Variants in PBX1 observed in about 807,000 individuals in gnomAD.
PBX1 encodes PBX homeobox 1.
Under a neutral mutation model 53.4 loss-of-function variants are expected in PBX1, and 6 were observed. That is an observed-to-expected ratio of 0.11 (90% CI 0.06 to 0.22). The LOEUF (loss-of-function observed/expected upper bound fraction) is 0.22. Ranked by LOEUF, PBX1 falls within the 10% of genes least tolerant of loss-of-function variation. The pLI, the probability that PBX1 is intolerant of heterozygous loss-of-function variation, is 1.00. For synonymous variants in PBX1, 204 were observed against 212.3 expected, an observed-to-expected ratio of 0.96 and a Z score of 0.34; for missense variants, 251 against 551.4, an observed-to-expected ratio of 0.46 and a Z score of 5.46.
At chr1:164,874,060 T>A (rs1672445651) in intron 2 of PBX1, among the ~76,000 whole-genome samples, 1 of 151,630 alleles carries the variant, frequency 6.6e-6, no homozygotes, top group Non-Finnish European at 1.5e-5. Flanking sequence ...GCACACACCT[T>A]TTGTTCTGAT....
At chr1:164,600,397 G>A (rs1265907957) in intron 2 of PBX1, among the ~76,000 whole-genome samples, 3 of 151,872 alleles carry the variant, frequency 2.0e-5, no homozygotes, top group Admixed American at 6.6e-5. Context: ...GATTACAGGT[G>A]CCCGCCACCA....
intron 2 of PBX1, among the ~76,000 whole-genome samples, chr1:164,729,479 A>AAT (rs1345245149): frequency 7.2e-5 from 11 of 152,284 alleles, no homozygotes; most frequent in South Asian, 2.1e-4. Context: ...ATGTTGTGTA[A>AAT]ATATGTATAT....
intron 2 of PBX1, among the ~76,000 whole-genome samples, chr1:164,571,873 GTATATATATATATATATA>G (rs59338120): frequency 0.015 from 461 of 29,910 alleles, 9 homozygotes; most frequent in East Asian, 0.043. Flanking sequence ...TCTGTACATT[GTATATATATATATATATA>G]TATATATATA....
At chr1:164,588,473 CTTTTTTTTTTT>C (rs371768861) in intron 2 of PBX1, among the ~76,000 whole-genome samples, 1,230 of 73,086 alleles carry the variant, frequency 0.017, 23 homozygotes, top group South Asian at 0.05. Context: ...CCGGACTAAG[CTTTTTTTTTTT>C]TTTTTTTTTT....
At chr1:164,858,094 G>C (rs1672015327) in intron 2 of PBX1, among the ~76,000 whole-genome samples, 2 of 152,032 alleles carry the variant, frequency 1.3e-5, no homozygotes, top group Admixed American at 1.3e-4. Context: ...TGGCTGCTAA[G>C]ATCTTACTCT....
At position 164,863,352 on chromosome 1, in the gene PBX1, A is replaced by C. The variant is rs139167617; in HGVS notation, n.257+31869A>C. ...TGTTTATTTCTTAAAGTCCCTAGCTAGGGAAAGGTATTGTTCCTCTAATCA... is the reference window on the plus strand; with the variant it reads ...TGTTTATTTCTTAAAGTCCCTAGCTCGGGAAAGGTATTGTTCCTCTAATCA... On this transcript the variant is annotated intron_variant and non_coding_transcript_variant, in intron 2 of 2. Coordinates refer to the PBX1 transcript ENST00000558796. 2.3e-4 allele frequency among the ~76,000 whole-genome samples: 35 copies of C among 152,324 alleles called. No homozygotes were observed. The East Asian group carries it at 6.8e-3, about 29-fold the overall frequency.
chr1:164,647,177 T>A (rs1044653972), intron 2 of PBX1, among the ~76,000 whole-genome samples: 2 of 152,202 alleles, frequency 1.3e-5, no homozygotes, highest in Non-Finnish European at 2.9e-5. Flanking sequence ...TATTTATTTG[T>A]TTATTAAGAT....
chr1:164,777,825 G>C (rs1211565409), intron 2 of PBX1, among the ~76,000 whole-genome samples: 2 of 152,144 alleles, frequency 1.3e-5, no homozygotes, highest in Non-Finnish European at 2.9e-5. Context: ...CTCTAGAAGA[G>C]GAAAGAGAAC....
At chr1:164,778,765 A>G (rs1667791664) in intron 2 of PBX1, among the ~76,000 whole-genome samples, 1 of 152,238 alleles carries the variant, frequency 6.6e-6, no homozygotes, top group Admixed American at 6.5e-5. Flanking sequence ...AGGCAGCATG[A>G]AAGTCCACAT....
At chr1:164,626,203 A>G in intron 2 of PBX1, 2 of 600,108 alleles carry the variant, frequency 3.3e-6, no homozygotes, top group Non-Finnish European at 4.3e-6. Context: ...GCTGCTGTTG[A>G]GGGAACCACA....
At chr1:164,779,917 A>G (rs966674605) in intron 2 of PBX1, among the ~76,000 whole-genome samples, 1 of 152,214 alleles carries the variant, frequency 6.6e-6, no homozygotes, top group Non-Finnish European at 1.5e-5. Flanking sequence ...TCAGAGAAAT[A>G]CAGTAAGAAC....
chr1:164,559,876 A>G lies in PBX1; in HGVS notation c.54A>G (p.Gly18=). Residue 18 remains glycine, a synonymous_variant, in exon 1 of 9, where the codon GGA becomes GGG. Coordinates refer to ENST00000420696, the MANE Select transcript of PBX1 (RefSeq NM_002585.4). ...CCCATGCTGGGGTCGGGATGGCCGG[A>G]CACCCCGGCCTGTCCCAGCACTTGC... ...MHSHAGVGMA[G]HPGLSQHLQD... 1.3e-6 allele frequency: 2 copies of G among 1,550,544 alleles called. No homozygotes were observed. Among genetic ancestry groups the G allele is most frequent in the East Asian group, 2.5e-5 (1 of 40,816 alleles).
Position 164,791,748 on chromosome 1 carries a change from A to G in PBX1, c.266-746A>G, listed in dbSNP as rs1418788425. Reference sequence around the variant, plus strand: ...GGTAGTATGGGGATGAAAGTAAAAAATATATTTTGTTATGATTACATTTTT... The same window carrying G: ...GGTAGTATGGGGATGAAAGTAAAAAGTATATTTTGTTATGATTACATTTTT... On this transcript the variant is annotated intron_variant, in intron 2 of 8. Transcript: ENST00000420696. Among the ~76,000 whole-genome samples the G allele has an allele frequency of 2.0e-5, 3 of 152,270 alleles. No homozygotes were observed. The East Asian group carries it at 5.8e-4, about 29-fold the overall frequency.
At chr1:164,625,773 T>C (rs1016934706) in intron 2 of PBX1, among the ~76,000 whole-genome samples, 1 of 147,878 alleles carries the variant, frequency 6.8e-6, no homozygotes, top group Non-Finnish European at 1.5e-5. Flanking sequence ...GTTTTTCTGC[T>C]AATAATGAAA....
At chr1:164,863,575 C>T (rs1233291449) in intron 2 of PBX1, among the ~76,000 whole-genome samples, 1 of 152,118 alleles carries the variant, frequency 6.6e-6, no homozygotes, top group African/African-American at 2.4e-5. Flanking sequence ...ATATGTGATC[C>T]TATGAGAGCC....
At chr1:164,877,864 T>G (rs1672554695) in intron 2 of PBX1, among the ~76,000 whole-genome samples, 1 of 152,214 alleles carries the variant, frequency 6.6e-6, no homozygotes. Context: ...GTTTGCTTCT[T>G]TGTAATCCAT....
At chr1:164,722,040 A>G (rs1339101597) in intron 2 of PBX1, among the ~76,000 whole-genome samples, 1 of 152,208 alleles carries the variant, frequency 6.6e-6, no homozygotes, top group Non-Finnish European at 1.5e-5. Context: ...CCAGTTTTAT[A>G]TCTTACCCCC....
chr1:164,883,667 A>G (rs1459211549), intron 2 of PBX1, among the ~76,000 whole-genome samples: 1 of 152,130 alleles, frequency 6.6e-6, no homozygotes, highest in East Asian at 1.9e-4. Context: ...ACTTTGTTAT[A>G]CATTCTCTTT....
chr1:164,711,482 C>T (rs1305018499), intron 2 of PBX1, among the ~76,000 whole-genome samples: 2 of 152,206 alleles, frequency 1.3e-5, no homozygotes, highest in Non-Finnish European at 2.9e-5. Flanking sequence ...CCATGATGGT[C>T]TCGATCTCCT....
Sources: allele counts gnomAD v4.1 joint callset (sites outside exome capture counted in the v4.1 genomes callset), GRCh38; gene constraint gnomAD v4.1.1; transcripts MANE v1.5; gene names NCBI Gene and HGNC (gene_info 2026-07-23, HGNC 2026-07-21).